Variants in CDH18 observed in about 807,000 individuals in gnomAD.
CDH18 encodes the protein cadherin-18.
Under a neutral mutation model 67.9 loss-of-function variants are expected in CDH18, and 31 were observed. The observed-to-expected ratio is 0.46, with a 90% CI of 0.34 to 0.62. The LOEUF is 0.62. CDH18 is among the 20% of genes least tolerant of loss of function. CDH18 has a pLI of 0.01. For missense variants in CDH18, 890 were observed against 975.5 expected (o/e 0.91, Z 1.17); for synonymous variants, 362 against 347.2 (o/e 1.04, Z -0.48).
In CDH18 at chr5:19,591,167, T is replaced by G; in HGVS notation, c.889A>C (p.Thr297Pro). 3 of 1,612,798 alleles carry G rather than the reference T, an allele frequency of 1.9e-6. No individual in the cohort carries two copies. The highest frequency in any genetic ancestry group is 2.5e-6 in the Non-Finnish European group (3 of 1,179,176). The change falls in exon 7 of 13, where the codon ACT (threonine) becomes CCT (proline). Residue 297 changes from threonine (T) to proline (P), a missense_variant. Physicochemically the swap from Thr to Pro is conservative, Grantham distance 38. This residue lies in a region of CDH18 where 656 missense variants were observed against 668.1 expected (regional missense o/e 0.98). Coordinates refer to ENST00000382275, the MANE Select transcript of CDH18 (RefSeq NM_004934.5). Reference sequence around the variant, plus strand: ...TAGGTCATGTCAGCATTTGAGCCAGTGTCAGCATCATTTGCCTTGATTTTC... The same window carrying G: ...TAGGTCATGTCAGCATTTGAGCCAGGGTCAGCATCATTTGCCTTGATTTTC... ...VGKIKANDADTGSNADMTYSI... is the reference protein window; with the variant it reads ...VGKIKANDADPGSNADMTYSI...
chr5:19,820,850 G>T (rs886221533), intron 3 of CDH18, among the ~76,000 whole-genome samples: 5 of 151,904 alleles, frequency 3.3e-5, no homozygotes, highest in Admixed American at 6.6e-5. Flanking sequence ...ACAGAGCCTT[G>T]GACTCTAAAA....
At position 20,351,844 on chromosome 5, in the gene CDH18, C is replaced by T. The variant is rs151164765; in HGVS notation, c.-579-96339G>A. ...TCACTTTTCGGTATTGCTTTTGCTACGGTATTTCAAATTTTTATGTGGCAC... is the reference window on the plus strand; with the variant it reads ...TCACTTTTCGGTATTGCTTTTGCTATGGTATTTCAAATTTTTATGTGGCAC... On this transcript the variant is annotated intron_variant, in intron 1 of 14. Transcript: ENST00000507958. Among the ~76,000 whole-genome samples the T allele has an allele frequency of 1.2e-3, 178 of 152,156 alleles. 1 individual carries two copies. Among genetic ancestry groups the T allele is most frequent in the South Asian group, 8.7e-3 (42 of 4,818 alleles).
intron 1 of CDH18, among the ~76,000 whole-genome samples, chr5:20,407,453 T>C (rs4866186): frequency 0.56 from 83,449 of 149,660 alleles, 23,696 homozygotes; most frequent in Middle Eastern, 0.63. Flanking sequence ...TCCATGAAGA[T>C]TGGTAGAGGT....
At chr5:20,123,856 C>A (rs150981758) in intron 2 of CDH18, among the ~76,000 whole-genome samples, 1,675 of 143,540 alleles carry the variant, frequency 0.012, 26 homozygotes, top group African/African-American at 0.043. Context: ...TACTGCACTC[C>A]AGCCTGGGAG....
chr5:20,204,092 T>C (rs961134823), intron 2 of CDH18, among the ~76,000 whole-genome samples: 8 of 151,956 alleles, frequency 5.3e-5, no homozygotes, highest in African/African-American at 1.4e-4. Flanking sequence ...CAAATAATCA[T>C]AGAAAACTTC....
intron 5 of CDH18, among the ~76,000 whole-genome samples, chr5:19,697,530 G>T (rs1762683508): frequency 6.6e-6 from 1 of 152,008 alleles, no homozygotes; most frequent in South Asian, 2.1e-4. Flanking sequence ...ATTATTTTAT[G>T]CAAAGTTTAC....
intron 2 of CDH18, among the ~76,000 whole-genome samples, chr5:20,219,304 C>A (rs1741030205): frequency 6.6e-6 from 1 of 151,710 alleles, no homozygotes. Context: ...CTGAACAGAA[C>A]AACACTAGGT....
At chr5:20,515,002 G>A (rs1235334305) in intron 1 of CDH18, among the ~76,000 whole-genome samples, 2 of 151,308 alleles carry the variant, frequency 1.3e-5, no homozygotes, top group Non-Finnish European at 2.9e-5. Flanking sequence ...TCATGCTGGG[G>A]AGTAAAAATT....
At chr5:20,397,458 A>C (rs1562031385) in intron 1 of CDH18, among the ~76,000 whole-genome samples, 1 of 152,030 alleles carries the variant, frequency 6.6e-6, no homozygotes. Flanking sequence ...TAGAGTATTA[A>C]TTTTTTAACA....
intron 1 of CDH18, among the ~76,000 whole-genome samples, chr5:20,480,691 T>G (rs933907620): frequency 1.3e-5 from 2 of 152,080 alleles, no homozygotes; most frequent in African/African-American, 4.8e-5. Context: ...CTGGAATTAC[T>G]GCACCTGACC....
rs1189567276 is a variant in CDH18, at chr5:19,839,092, C to T, written c.-106G>A. ...CCAGAGCATCTTTAGGAAGGACAGT[C>T]CAAAGTAAATTGTTTAGCGTGTCCA... On this transcript the variant is annotated 5_prime_UTR_variant, in exon 3 of 13. An upstream open reading frame in the 5' UTR gains an earlier in-frame stop. Coordinates refer to ENST00000382275, the MANE Select transcript of CDH18 (RefSeq NM_004934.5). The T allele has an allele frequency of 1.2e-6, 1 of 813,482 alleles. No homozygotes were observed. Among genetic ancestry groups the T allele is most frequent in the Non-Finnish European group, 2.0e-6 (1 of 490,098 alleles). 50.4% of individuals were successfully genotyped at this position (813,482 alleles called of 1,614,324 possible).
At chr5:19,926,154 T>C (rs1256667713) in intron 2 of CDH18, among the ~76,000 whole-genome samples, 2 of 152,168 alleles carry the variant, frequency 1.3e-5, no homozygotes, top group African/African-American at 4.8e-5. Flanking sequence ...AAAAATTGCA[T>C]ATAAGTTGAC....
intron 5 of CDH18, among the ~76,000 whole-genome samples, chr5:19,686,047 G>A (rs35408683): frequency 0.042 from 6,437 of 152,124 alleles, 192 homozygotes; most frequent in Non-Finnish European, 0.065. Context: ...CTAGAAGTGT[G>A]GGTAGTCAAC....
At chr5:19,803,403 T>G (rs577161297) in intron 3 of CDH18, among the ~76,000 whole-genome samples, 6 of 152,346 alleles carry the variant, frequency 3.9e-5, no homozygotes, top group African/African-American at 1.4e-4. Flanking sequence ...CTTAGACACA[T>G]ATTTAAATTT....
intron 5 of CDH18, among the ~76,000 whole-genome samples, chr5:19,639,011 T>G: frequency 6.8e-6 from 1 of 146,636 alleles, no homozygotes; most frequent in Non-Finnish European, 1.5e-5. Flanking sequence ...TTTTGTTTGT[T>G]TTTTCTTTTT....
chr5:19,756,746 A>G (rs2133081), intron 3 of CDH18, among the ~76,000 whole-genome samples: 145,260 of 152,298 alleles, frequency 0.95, 69,545 homozygotes, highest in East Asian at 1. Context: ...TGGTGTCAGT[A>G]TTCCTCCCTC....
At chr5:19,808,832 C>G (rs1308416106) in intron 3 of CDH18, among the ~76,000 whole-genome samples, 4 of 53,942 alleles carry the variant, frequency 7.4e-5, no homozygotes, top group Middle Eastern at 0.016. Context: ...AACTCTGTCT[C>G]AAAAAAAAAA....
chr5:20,149,777 G>T (rs1188315901), intron 2 of CDH18, among the ~76,000 whole-genome samples: 1 of 152,056 alleles, frequency 6.6e-6, no homozygotes, highest in East Asian at 1.9e-4. Context: ...GATCTTTGCT[G>T]TCCACATTTT....
At chr5:20,537,805 C>T (rs1254772106) in intron 1 of CDH18, among the ~76,000 whole-genome samples, 1 of 152,038 alleles carries the variant, frequency 6.6e-6, no homozygotes, top group African/African-American at 2.4e-5. Flanking sequence ...TATAAAATTT[C>T]TATCTTTGGG....
Sources: allele counts gnomAD v4.1 joint callset (sites outside exome capture counted in the v4.1 genomes callset), GRCh38; gene constraint gnomAD v4.1.1; regional missense constraint gnomAD v4.1.1; transcripts MANE v1.5; gene names NCBI Gene and HGNC (gene_info 2026-07-23, HGNC 2026-07-21).